The following PRKACA variants were observed in gnomAD, a reference collection of about 807,000 sequenced individuals.
PRKACA encodes protein kinase cAMP-activated catalytic subunit alpha.
Under a neutral mutation model 45.8 loss-of-function variants are expected in PRKACA, and 9 were observed. That is an observed-to-expected ratio of 0.20 (90% CI 0.12 to 0.34). The LOEUF (loss-of-function observed/expected upper bound fraction) is 0.34. Among genes scored for constraint, PRKACA ranks in the 10% least tolerant of loss-of-function variants. The pLI is 1.00. For synonymous variants in PRKACA, 160 were observed against 178.6 expected, an observed-to-expected ratio of 0.90 and a Z score of 0.83; for missense variants, 238 against 458.6, an observed-to-expected ratio of 0.52 and a Z score of 4.39.
chr19:14,102,239 G>C (rs930074877), intron 4 of PRKACA, among the ~76,000 whole-genome samples: 10 of 151,326 alleles, frequency 6.6e-5, no homozygotes, highest in African/African-American at 2.4e-4. Flanking sequence ...GTCCCTCGGA[G>C]AACAGGCCCT....
chr19:14,097,723 C>T lies in PRKACA; in HGVS notation c.546+41G>A, dbSNP rs773278354. 37 of 1,613,494 alleles carry T rather than the reference C, an allele frequency of 2.3e-5. No individual in the cohort carries two copies. The South Asian group carries it at 3.1e-4, about 13-fold the overall frequency. ...TGGCAGGGAGGAAGGGTCCAGGCCA[C>T]GGCTTCCCCAGGGCTGCCCCTCGCC... On this transcript the variant is annotated intron_variant, in intron 6 of 9. Transcript: ENST00000308677. The surrounding 1 kb of genome is among the most constrained non-coding windows in gnomAD (Gnocchi z 5.4).
intron 3 of PRKACA, among the ~76,000 whole-genome samples, chr19:14,106,238 C>T (rs1309072601): frequency 2.0e-5 from 3 of 152,126 alleles, no homozygotes; most frequent in African/African-American, 4.8e-5. Context: ...TGGTAGTGTG[C>T]GCTTGTAGTC....
chr19:14,095,887 CAG>C (rs1054634266), intron 8 of PRKACA, among the ~76,000 whole-genome samples: 4 of 151,810 alleles, frequency 2.6e-5, no homozygotes, highest in Non-Finnish European at 5.9e-5. Context: ...TTTTAAAAGA[CAG>C]GGTCTGGCTC....
At position 14,093,082 on chromosome 19, in the gene PRKACA, A is replaced by AAGAAAAC. The variant is rs1977134564; in HGVS notation, c.*23_*29dup. On this transcript the variant is annotated 3_prime_UTR_variant, in exon 10 of 10. Transcript: ENST00000308677. ...CGACCAAAAAAAAGAAAAAAGAAAA[A>AAGAAAAC]AGAAAACCCATGGGGGCACAGGCAT... 6.7e-7 allele frequency: 1 copy of AAGAAAAC among 1,494,200 alleles called. No homozygotes were observed. The highest frequency in any genetic ancestry group is 2.3e-5 in the Admixed American group (1 of 43,362). 92.6% of individuals were successfully genotyped at this position (1,494,200 alleles called of 1,614,324 possible).
rs1977286148 is a variant in PRKACA, at chr19:14,097,246, A to G, written c.765+115T>C. The G allele has an allele frequency of 1.3e-6, 2 of 1,535,524 alleles. No homozygotes were observed. Among genetic ancestry groups the G allele is most frequent in the African/African-American group, 2.7e-5 (2 of 73,098 alleles). On this transcript the variant is annotated intron_variant, in intron 8 of 9. Transcript: ENST00000308677. This position sits in a 1 kb window ranked among gnomAD's most constrained non-coding sequence, Gnocchi z 5.4. ...GCGTCCAGCTTCACCACCTGGCCTG[A>G]CTTAAGGAACTTCTAGATTATTCTG... is the stretch of plus-strand genomic sequence containing the variant.
intron 3 of PRKACA, 94 bp downstream of exon 3, chr19:14,106,664 AAG>A: frequency 6.6e-7 from 1 of 1,522,352 alleles, no homozygotes; most frequent in Non-Finnish European, 9.0e-7. Flanking sequence ...AAAAAAAAGC[AAG>A]TGAGTGAACG....
At chr19:14,103,009 C>G (rs1004433920) in intron 3 of PRKACA, 95 bp from the exon 4 acceptor site, 1 of 1,006,418 alleles carries the variant, frequency 9.9e-7, no homozygotes, top group South Asian at 1.3e-5. Context: ...GGAGCCAGGC[C>G]GGTTCCTTCA....
intron 1 of PRKACA, among the ~76,000 whole-genome samples, chr19:14,116,570 C>T (rs1967109730): frequency 1.3e-5 from 2 of 152,198 alleles, no homozygotes; most frequent in African/African-American, 2.4e-5. Flanking sequence ...GGGTGAATGA[C>T]GGAGCCTCAG....
intron 1 of PRKACA, among the ~76,000 whole-genome samples, chr19:14,115,480 T>A (rs924911906): frequency 1.3e-5 from 2 of 152,126 alleles, no homozygotes; most frequent in Non-Finnish European, 2.9e-5. Context: ...ATGTCATGGA[T>A]GTCATTTCTA....
intron 1 of PRKACA, among the ~76,000 whole-genome samples, chr19:14,113,827 A>G (rs892790716): frequency 3.9e-5 from 6 of 152,012 alleles, no homozygotes; most frequent in Non-Finnish European, 8.8e-5. Flanking sequence ...CTGGACCCCA[A>G]CACTGGGATG....
At chr19:14,099,866 G>A (rs894243749) in intron 5 of PRKACA, among the ~76,000 whole-genome samples, 2 of 151,576 alleles carry the variant, frequency 1.3e-5, no homozygotes, top group Non-Finnish European at 2.9e-5. Context: ...TTTTTGAGAC[G>A]GAGTCTCGCT....
At chr19:14,100,017 AT>A (rs745762900) in intron 5 of PRKACA, among the ~76,000 whole-genome samples, 1 of 150,822 alleles carries the variant, frequency 6.6e-6, no homozygotes, top group Non-Finnish European at 1.5e-5. Flanking sequence ...ATTTTTTTGT[AT>A]TTTTTTAGTA....
At chr19:14,096,668 C>T (rs1178547604) in intron 8 of PRKACA, 1 of 157,104 alleles carries the variant, frequency 6.4e-6, no homozygotes, top group African/African-American at 2.4e-5. Context: ...GGGTCCCCAA[C>T]CTCTCTCCGG....
chr19:14,103,776 CTG>C (rs1159719270), intron 3 of PRKACA, among the ~76,000 whole-genome samples: 2 of 152,214 alleles, frequency 1.3e-5, no homozygotes, highest in Admixed American at 6.5e-5. Flanking sequence ...AATTAAAAAA[CTG>C]ACACCAGCTG....
At chr19:14,106,954 GGGCATCCCCTCTGCCACC>G in intron 2 of PRKACA, 66 bp from the exon 3 acceptor site, 1 of 1,584,006 alleles carries the variant, frequency 6.3e-7, no homozygotes, top group Non-Finnish European at 8.6e-7. Context: ...CTAAGGTCTG[GGGCATCCCCTCTGCCACC>G]GGCAGAGGGG....
intron 4 of PRKACA, among the ~76,000 whole-genome samples, chr19:14,102,441 G>T (rs186954661): frequency 7.2e-4 from 110 of 152,306 alleles, no homozygotes; most frequent in African/African-American, 2.6e-3. Flanking sequence ...CTGAGGCTTG[G>T]GGAGATAAGT....
intron 5 of PRKACA, among the ~76,000 whole-genome samples, chr19:14,099,247 G>A (rs780827058): frequency 2.6e-4 from 39 of 152,282 alleles, no homozygotes; most frequent in Non-Finnish European, 5.4e-4. Flanking sequence ...AGCCGAGATC[G>A]TGCCACTGCA....
chr19:14,106,986 C>G, intron 2 of PRKACA, 98 bp from the exon 3 acceptor site: 1 of 1,508,710 alleles, frequency 6.6e-7, no homozygotes, highest in Non-Finnish European at 8.9e-7. Flanking sequence ...AGAGGGGGCC[C>G]CGGGGAGCAC....
chr19:14,102,882 C>T lies in PRKACA; in HGVS notation c.270G>A (p.Leu90=). The T allele has an allele frequency of 1.2e-6, 2 of 1,614,136 alleles. No homozygotes were observed. The highest frequency in any genetic ancestry group is 1.1e-5 in the South Asian group (1 of 91,082). The part of the protein sequence containing the change: ...VVKLKQIEHT[L]NEKRILQAVN... ...CAGCTTGCAGGATGCGCTTTTCATT[C>T]AGGGTGTGTTCGATCTGTTTCAGTT... The change falls in exon 4 of 10, where the codon CTG becomes CTA. Residue 90 remains leucine (L), a synonymous_variant. Transcript: ENST00000308677.
Sources: allele counts gnomAD v4.1 joint callset (sites outside exome capture counted in the v4.1 genomes callset), GRCh38; gene constraint gnomAD v4.1.1; non-coding constraint Gnocchi (gnomAD v3.1); transcripts MANE v1.5; gene names NCBI Gene and HGNC (gene_info 2026-07-23, HGNC 2026-07-21).